RPRD1A: variants seen among roughly 807,000 people sequenced by gnomAD.
RPRD1A encodes regulation of nuclear pre-mRNA domain-containing protein 1A.
RPRD1A carries 9 observed loss-of-function variants against 37.8 expected under a neutral mutation model. That is an observed-to-expected ratio of 0.24 (90% confidence interval 0.14 to 0.42). The LOEUF (loss-of-function observed/expected upper bound fraction) is 0.42, where lower values mean the gene tolerates loss of function less well. Among genes scored for constraint, RPRD1A ranks in the 10% least tolerant of loss-of-function variants. RPRD1A has a pLI of 1.00. For synonymous variants in RPRD1A, 138 were observed against 139.7 expected (o/e 0.99, Z 0.08); for missense variants, 255 against 371.0 (o/e 0.69, Z 2.57).
At chr18:36,014,707 C>A (rs1910394805) in intron 6 of RPRD1A, among the ~76,000 whole-genome samples, 1 of 152,134 alleles carries the variant, frequency 6.6e-6, no homozygotes, top group African/African-American at 2.4e-5. Flanking sequence ...CGCGCCACGG[C>A]ACTCCAGCCT....
chr18:36,022,249 C>T (rs1180516722), intron 6 of RPRD1A, among the ~76,000 whole-genome samples: 1 of 152,202 alleles, frequency 6.6e-6, no homozygotes, highest in Non-Finnish European at 1.5e-5. Flanking sequence ...AAGCTGTCTC[C>T]GTAACTTCGA....
At chr18:36,066,603 T>C (rs1011391945) in intron 1 of RPRD1A, among the ~76,000 whole-genome samples, 2 of 152,232 alleles carry the variant, frequency 1.3e-5, no homozygotes, top group Non-Finnish European at 2.9e-5. Flanking sequence ...CACTATCAAA[T>C]GTTTTGCAAA....
intron 6 of RPRD1A, among the ~76,000 whole-genome samples, chr18:36,013,440 A>C (rs1910302356): frequency 6.6e-6 from 1 of 152,208 alleles, no homozygotes; most frequent in Non-Finnish European, 1.5e-5. Flanking sequence ...ACTGAGAAGC[A>C]AAAATAAAAG....
intron 1 of RPRD1A, among the ~76,000 whole-genome samples, chr18:36,061,845 A>T (rs2088917191): frequency 6.6e-6 from 1 of 152,236 alleles, no homozygotes; most frequent in Admixed American, 6.5e-5. Flanking sequence ...TCCAGACAAC[A>T]TCCAAATGGC....
chr18:36,022,745 T>TTGACCCA (rs200498298), intron 6 of RPRD1A, among the ~76,000 whole-genome samples: 2,010 of 152,292 alleles, frequency 0.013, 40 homozygotes, highest in African/African-American at 0.046. Flanking sequence ...GGAGGACTGC[T>TTGACCCA]TGACCCAAGA....
chr18:36,055,868 T>C (rs1233458857), intron 1 of RPRD1A, among the ~76,000 whole-genome samples: 2 of 152,020 alleles, frequency 1.3e-5, no homozygotes, highest in South Asian at 2.1e-4. Flanking sequence ...TGCAACAGAA[T>C]GAGAATGAAA....
Position 36,033,764 on chromosome 18 carries a change from T to C in RPRD1A, c.225A>G (p.Pro75=). The C allele has an allele frequency of 1.2e-6, 2 of 1,613,650 alleles. No homozygotes were observed. Among genetic ancestry groups the C allele is most frequent in the East Asian group, 2.2e-5 (1 of 44,826 alleles). The part of the protein sequence containing the change: ...DVIQNSKRKG[P]EFTKDFAPVI... ...CTGGTGCAAAATCTTTTGTAAACTCTGGCCCCTTCCTCTTGCTGTTCTGTA... is the reference window on the plus strand; with the variant it reads ...CTGGTGCAAAATCTTTTGTAAACTCCGGCCCCTTCCTCTTGCTGTTCTGTA... Residue 75 remains proline (P), a synonymous_variant, in exon 2 of 7, where the codon CCA becomes CCG. Coordinates refer to ENST00000399022, the MANE Select transcript of RPRD1A (RefSeq NM_018170.5).
At chr18:36,040,895 TTAC>T in intron 1 of RPRD1A, 1 of 1,265,528 alleles carries the variant, frequency 7.9e-7, no homozygotes, top group Non-Finnish European at 1.1e-6. Flanking sequence ...AAGAAAATAT[TTAC>T]TACACCTTCT....
At chr18:36,012,188 C>T (rs925947395) in intron 6 of RPRD1A, among the ~76,000 whole-genome samples, 6 of 152,152 alleles carry the variant, frequency 3.9e-5, no homozygotes, top group African/African-American at 1.4e-4. Context: ...CACCTAGTGA[C>T]CATTCCTATT....
At chr18:36,023,313 T>C (rs1283084003) in intron 6 of RPRD1A, among the ~76,000 whole-genome samples, 2 of 152,218 alleles carry the variant, frequency 1.3e-5, no homozygotes, top group East Asian at 3.8e-4. Flanking sequence ...TGGCTGACTT[T>C]GTGGGGTTCA....
At chr18:36,050,935 G>T (rs1311295934) in intron 1 of RPRD1A, among the ~76,000 whole-genome samples, 1 of 149,556 alleles carries the variant, frequency 6.7e-6, no homozygotes, top group Non-Finnish European at 1.5e-5. Flanking sequence ...AACTGTGGGT[G>T]TGTGGCATTA....
At chr18:36,003,780 G>GT (rs987085567) in intron 6 of RPRD1A, among the ~76,000 whole-genome samples, 2 of 151,702 alleles carry the variant, frequency 1.3e-5, no homozygotes, top group Non-Finnish European at 2.9e-5. Context: ...AAAGTCTAAA[G>GT]TTTTTTTTGT....
rs202026701 is a variant in RPRD1A, at chr18:36,027,032, C to T, written c.657G>A (p.Ala219=). ...GERLSKMVED[A]CMLLADYNGR... is the part of the protein sequence containing the mutation. ...CATTGTAATCTGCCAGCAACATACACGCATCCTCTACCATTTTGGAAAGCC... is the reference window on the plus strand; with the variant it reads ...CATTGTAATCTGCCAGCAACATACATGCATCCTCTACCATTTTGGAAAGCC... The change falls in exon 6 of 7, where the codon GCG becomes GCA. Residue 219 remains alanine, a synonymous_variant. Transcript: ENST00000399022. 1.3e-4 allele frequency: 208 copies of T among 1,613,856 alleles called. 1 individual carries two copies. The highest frequency in any genetic ancestry group is 1.6e-4 in the Middle Eastern group (1 of 6,084).
intron 1 of RPRD1A, among the ~76,000 whole-genome samples, chr18:36,057,075 A>T (rs1299980754): frequency 6.9e-6 from 1 of 143,978 alleles, no homozygotes; most frequent in Non-Finnish European, 1.5e-5. Flanking sequence ...AAAAAAAAAA[A>T]AAAAATCAGC....
At chr18:36,007,697 T>C (rs1909833624) in intron 6 of RPRD1A, among the ~76,000 whole-genome samples, 1 of 152,112 alleles carries the variant, frequency 6.6e-6, no homozygotes, top group African/African-American at 2.4e-5. Flanking sequence ...CCCAGCACTT[T>C]GGGAGGCTGA....
chr18:36,036,682 C>G (rs185230129), intron 1 of RPRD1A, among the ~76,000 whole-genome samples: 1 of 152,204 alleles, frequency 6.6e-6, no homozygotes, highest in African/African-American at 2.4e-5. Context: ...CCTATACATA[C>G]AGCAAATAAT....
At chr18:36,000,840 G>A (rs1288977317) in intron 6 of RPRD1A, among the ~76,000 whole-genome samples, 3 of 152,172 alleles carry the variant, frequency 2.0e-5, no homozygotes, top group Non-Finnish European at 4.4e-5. Context: ...TGTCTTCAGA[G>A]TCCTCATGCT....
At chr18:36,006,541 C>A (rs1229355120) in intron 6 of RPRD1A, among the ~76,000 whole-genome samples, 1 of 152,098 alleles carries the variant, frequency 6.6e-6, no homozygotes, top group Non-Finnish European at 1.5e-5. Flanking sequence ...TTTTTCACCC[C>A]CGCAGTGTAT....
At chr18:36,066,940 T>C (rs1322844650) in intron 1 of RPRD1A, among the ~76,000 whole-genome samples, 3 of 152,228 alleles carry the variant, frequency 2.0e-5, no homozygotes, top group African/African-American at 7.2e-5. Context: ...TCCATTATCA[T>C]TCACAGAATG....
Sources: allele counts gnomAD v4.1 joint callset (sites outside exome capture counted in the v4.1 genomes callset), GRCh38; gene constraint gnomAD v4.1.1; transcripts MANE v1.5; gene names NCBI Gene and HGNC (gene_info 2026-07-23, HGNC 2026-07-21).